Variants in ODF2 observed in about 807,000 individuals in gnomAD.
ODF2 encodes the protein outer dense fiber of sperm tails 2, also known as outer dense fiber protein 2.
In ODF2, 47 loss-of-function variants were observed where a neutral mutation model predicts 110.2. The ratio of observed to expected loss-of-function variants is 0.43; its 90% confidence interval spans 0.34 to 0.54. The LOEUF (loss-of-function observed/expected upper bound fraction) is 0.54, where lower values mean the gene tolerates loss of function less well. ODF2 is among the 20% of genes least tolerant of loss of function. The pLI, the probability that ODF2 is intolerant of heterozygous loss-of-function variation, is 0.03. For synonymous variants in ODF2, 352 were observed against 397.7 expected (o/e 0.89, Z 1.37); for missense variants, 812 against 1,054.5 (o/e 0.77, Z 3.19).
intron 1 of ODF2, 72 bp downstream of exon 1, chr9:128,456,327 C>A: frequency 6.8e-7 from 1 of 1,464,008 alleles, no homozygotes; most frequent in Non-Finnish European, 9.0e-7. Context: ...CCTTCGCACC[C>A]CCGGCGCGGT....
At chr9:128,465,960 C>T (rs985622460) in intron 4 of ODF2, among the ~76,000 whole-genome samples, 1 of 151,306 alleles carries the variant, frequency 6.6e-6, no homozygotes, top group African/African-American at 2.4e-5. Context: ...GCCAACATGG[C>T]GAAACCCCGT....
chr9:128,456,703 G>A, intron 1 of ODF2: 1 of 1,378,192 alleles, frequency 7.3e-7, no homozygotes, highest in South Asian at 1.6e-5. Context: ...TACGCCCTCC[G>A]TAGGCAGCGC....
Position 128,456,771 on chromosome 9 carries a change from C to A in ODF2, c.-208-427C>A, listed in dbSNP as rs1468210620. The A allele has an allele frequency of 3.1e-6, 4 of 1,305,410 alleles. No homozygotes were observed. The African/African-American group carries it at 6.3e-5, about 21-fold the overall frequency. The allele number at this position is 1,305,410 out of a possible 1,614,324, so 80.9% of individuals were successfully genotyped here. On this transcript the variant is annotated intron_variant, in intron 1 of 20. Transcript: ENST00000604420. The stretch of plus-strand genomic sequence containing the variant: ...GCCCTCGCCCGGCGGGGGGGGGTCC[C>A]GCCCGCCCCCTCCCAGCCCGGCGTC...
chr9:128,487,742 G>T, intron 13 of ODF2, 148 bp from the exon 14 acceptor site: 2 of 840,626 alleles, frequency 2.4e-6, no homozygotes, highest in Non-Finnish European at 3.6e-6. Context: ...AGCCAAGATC[G>T]CGCCACTGCA....
intron 4 of ODF2, among the ~76,000 whole-genome samples, chr9:128,467,211 G>C (rs750019154): frequency 7.1e-4 from 107 of 150,494 alleles, no homozygotes; most frequent in Non-Finnish European, 1.3e-3. Flanking sequence ...ATTGCTCCTA[G>C]GCTACAGACC....
intron 8 of ODF2, among the ~76,000 whole-genome samples, chr9:128,474,690 C>T (rs1461963522): frequency 6.6e-6 from 1 of 150,582 alleles, no homozygotes; most frequent in Non-Finnish European, 1.5e-5. Flanking sequence ...GGGCCAGGTG[C>T]GGTGGCTCAT....
intron 9 of ODF2, among the ~76,000 whole-genome samples, chr9:128,482,400 A>G (rs138936827): frequency 6.6e-6 from 1 of 152,356 alleles, no homozygotes; most frequent in East Asian, 1.9e-4. Flanking sequence ...AGCTCTTTCA[A>G]AAGACACAGA....
chr9:128,478,801 G>A (rs1251940989), intron 8 of ODF2, among the ~76,000 whole-genome samples: 1 of 152,082 alleles, frequency 6.6e-6, no homozygotes, highest in African/African-American at 2.4e-5. Flanking sequence ...TCACCATCTC[G>A]GTGCTTGCTG....
intron 1 of ODF2, chr9:128,457,190 T>A: frequency 7.7e-6 from 11 of 1,434,102 alleles, no homozygotes; most frequent in Admixed American, 2.1e-5. Flanking sequence ...TTCCCCCTAC[T>A]TTGGCAGGAC....
At chr9:128,474,759 C>T (rs955442185) in intron 8 of ODF2, among the ~76,000 whole-genome samples, 2 of 151,918 alleles carry the variant, frequency 1.3e-5, no homozygotes, top group African/African-American at 2.4e-5. Context: ...GTCAGGAGTT[C>T]GAGACCTGCT....
chr9:128,487,103 A>T (rs900292626), intron 13 of ODF2, among the ~76,000 whole-genome samples: 1 of 151,976 alleles, frequency 6.6e-6, no homozygotes, highest in Non-Finnish European at 1.5e-5. Context: ...CTTAATGGAG[A>T]CAAGGTCTTG....
chr9:128,497,406 T>A (rs1845723591), intron 18 of ODF2: 1 of 98,728 alleles, frequency 1.0e-5, no homozygotes. Context: ...GCTAACACGG[T>A]GAAATCCCGT....
chr9:128,456,772 G>A, intron 1 of ODF2: 1 of 983,690 alleles, frequency 1.0e-6, no homozygotes, highest in Non-Finnish European at 1.4e-6. Flanking sequence ...GGGGGGTCCC[G>A]CCCGCCCCCT....
chr9:128,494,413 G>C lies in ODF2; in HGVS notation c.1753-97G>C. The C allele has an allele frequency of 9.1e-7, 1 of 1,101,502 alleles. No individual in the cohort carries two copies. The allele number at this position is 1,101,502 out of a possible 1,614,324, so 68.2% of individuals were successfully genotyped here. A position where few individuals can be genotyped will look rare whatever the true frequency, so the allele number is the denominator to read the frequency against. ...CTCCACTGGGGACTGTGTCAGCCCT[G>C]CCCTAACTCTAAAGGACTCTGCCTG... On this transcript the variant is annotated intron_variant, in intron 16 of 20. Coordinates refer to ENST00000604420, the Ensembl canonical transcript of ODF2. The surrounding 1 kb of genome is among the most constrained non-coding windows in gnomAD (Gnocchi z 4.6).
At chr9:128,460,122 A>T in intron 3 of ODF2, 1 of 1,294,212 alleles carries the variant, frequency 7.7e-7, no homozygotes, top group Non-Finnish European at 1.0e-6. Context: ...CACCCTGAGC[A>T]TTTTGTGTGT....
At chr9:128,484,075 T>G in intron 11 of ODF2, 21 bp downstream of exon 11, 6 of 1,572,308 alleles carry the variant, frequency 3.8e-6, no homozygotes, top group Non-Finnish European at 5.2e-6. Flanking sequence ...GCCCCACAAG[T>G]GGGGAAAGAG....
chr9:128,476,477 G>A (rs551223083), intron 8 of ODF2, among the ~76,000 whole-genome samples: 16 of 151,718 alleles, frequency 1.1e-4, no homozygotes, highest in Admixed American at 7.9e-4. Context: ...TAGTAGAGAC[G>A]GGGTTTCATC....
intron 7 of ODF2, chr9:128,473,384 CTG>C: frequency 1.6e-6 from 1 of 636,392 alleles, no homozygotes; most frequent in Non-Finnish European, 2.0e-6. Flanking sequence ...CTCACCCACA[CTG>C]AGCCTTCCCA....
At chr9:128,477,906 G>A (rs972206339) in intron 8 of ODF2, among the ~76,000 whole-genome samples, 14 of 151,944 alleles carry the variant, frequency 9.2e-5, no homozygotes, top group African/African-American at 2.2e-4. Flanking sequence ...GCCACTCACC[G>A]CCCAGCTTTT....
Sources: gnomAD v4.1 joint callset for allele counts (sites outside exome capture counted in the v4.1 genomes callset) on GRCh38, gnomAD v4.1.1 for gene constraint, Gnocchi (gnomAD v3.1) non-coding constraint, MANE v1.5 for transcripts, NCBI Gene and HGNC (gene_info 2026-07-23, HGNC 2026-07-21) for gene names.